PARD3: variants seen among roughly 807,000 people sequenced by gnomAD.
PARD3 encodes the protein par-3 family cell polarity regulator.
In PARD3, 75 loss-of-function variants were observed where a neutral mutation model predicts 155.4. The observed-to-expected ratio is 0.48, with a 90% CI of 0.40 to 0.58. PARD3 has a LOEUF of 0.58. Ranked by LOEUF, PARD3 falls within the 20% of genes least tolerant of loss-of-function variation. The pLI, the probability that PARD3 is intolerant of heterozygous loss-of-function variation, is 0.00. For synonymous variants in PARD3, 576 were observed against 610.5 expected, an observed-to-expected ratio of 0.94 and a Z score of 0.83; for missense variants, 1,642 against 1,721.7, an observed-to-expected ratio of 0.95 and a Z score of 0.82.
At chr10:34,387,015 T>C (rs188470881) in intron 7 of PARD3, among the ~76,000 whole-genome samples, 1 of 152,196 alleles carries the variant, frequency 6.6e-6, no homozygotes, top group Non-Finnish European at 1.5e-5. Flanking sequence ...CAGAACCACA[T>C]GTGAGGTGCC....
chr10:34,202,312 A>G (rs762226010), intron 22 of PARD3, among the ~76,000 whole-genome samples: 1 of 152,226 alleles, frequency 6.6e-6, no homozygotes, highest in Non-Finnish European at 1.5e-5. Context: ...GCTTCAAGCA[A>G]TCCTCCAGCC....
chr10:34,802,840 C>A (rs1191295301), intron 1 of PARD3, among the ~76,000 whole-genome samples: 2 of 152,168 alleles, frequency 1.3e-5, no homozygotes, highest in Middle Eastern at 3.4e-3. Flanking sequence ...GACAGTACGG[C>A]TAACATGTAG....
At chr10:34,281,769 G>A (rs1422840857) in intron 21 of PARD3, among the ~76,000 whole-genome samples, 2 of 152,012 alleles carry the variant, frequency 1.3e-5, no homozygotes, top group Admixed American at 6.6e-5. Flanking sequence ...ATTCCCAGAT[G>A]TACACAGGCA....
At chr10:34,274,132 T>C (rs1955763836) in intron 21 of PARD3, among the ~76,000 whole-genome samples, 1 of 152,142 alleles carries the variant, frequency 6.6e-6, no homozygotes, top group African/African-American at 2.4e-5. Flanking sequence ...TATTAGGAAG[T>C]TAGAAATTTT....
At chr10:34,462,229 A>T (rs2077697367) in intron 4 of PARD3, among the ~76,000 whole-genome samples, 1 of 152,242 alleles carries the variant, frequency 6.6e-6, no homozygotes, top group Admixed American at 6.5e-5. Context: ...AAAGAGAGCT[A>T]CAGGTCTGTC....
chr10:34,280,861 T>C (rs1156360411), intron 21 of PARD3, among the ~76,000 whole-genome samples: 1 of 152,216 alleles, frequency 6.6e-6, no homozygotes, highest in Non-Finnish European at 1.5e-5. Context: ...TGACTCATAA[T>C]GCACATGAAC....
chr10:34,508,034 T>C (rs2133515568), intron 3 of PARD3, among the ~76,000 whole-genome samples: 1 of 152,284 alleles, frequency 6.6e-6, no homozygotes. Context: ...TTGGATATTC[T>C]AGAAAGACAA....
chr10:34,519,831 A>G (rs2082021288), intron 2 of PARD3, among the ~76,000 whole-genome samples: 1 of 128,448 alleles, frequency 7.8e-6, no homozygotes, highest in Non-Finnish European at 1.7e-5. Context: ...ATAACATAAC[A>G]TAACATAACA....
intron 2 of PARD3, among the ~76,000 whole-genome samples, chr10:34,643,784 G>T (rs959706186): frequency 1.3e-5 from 2 of 152,132 alleles, no homozygotes; most frequent in African/African-American, 2.4e-5. Context: ...GGGCATGGTG[G>T]TGCGCACCTG....
chr10:34,157,335 T>G (rs943112861), intron 22 of PARD3, among the ~76,000 whole-genome samples: 23 of 152,248 alleles, frequency 1.5e-4, no homozygotes, highest in Non-Finnish European at 1.2e-4. Flanking sequence ...TGGACTTGCC[T>G]CTCTCCGGAA....
intron 22 of PARD3, among the ~76,000 whole-genome samples, chr10:34,265,716 T>C (rs549993996): frequency 9.8e-4 from 150 of 152,364 alleles, no homozygotes; most frequent in African/African-American, 3.2e-3. Context: ...TAGATCTTCT[T>C]ACAGGCGTGT....
chr10:34,174,629 G>C (rs1949954445), intron 22 of PARD3, among the ~76,000 whole-genome samples: 1 of 152,146 alleles, frequency 6.6e-6, no homozygotes, highest in Non-Finnish European at 1.5e-5. Context: ...AAGTAAGGAA[G>C]TCATCAAAGA....
At chr10:34,579,622 C>T (rs1159393774) in intron 2 of PARD3, among the ~76,000 whole-genome samples, 1 of 143,030 alleles carries the variant, frequency 7.0e-6, no homozygotes, top group Admixed American at 7.1e-5. Flanking sequence ...ACACTGTCTC[C>T]CAGGCTGGAG....
intron 2 of PARD3, among the ~76,000 whole-genome samples, chr10:34,517,841 T>C (rs1026399860): frequency 6.6e-6 from 1 of 152,172 alleles, no homozygotes; most frequent in African/African-American, 2.4e-5. Context: ...CAGAATGGAA[T>C]CCAGGACATC....
chr10:34,118,528 T>A (rs1030892875), intron 24 of PARD3, among the ~76,000 whole-genome samples: 1 of 152,100 alleles, frequency 6.6e-6, no homozygotes, highest in Non-Finnish European at 1.5e-5. Flanking sequence ...TATTTTTTTA[T>A]GGAGATAGTG....
At chr10:34,703,699 A>C (rs769940568) in intron 1 of PARD3, among the ~76,000 whole-genome samples, 1 of 152,204 alleles carries the variant, frequency 6.6e-6, no homozygotes, top group Non-Finnish European at 1.5e-5. Flanking sequence ...ATCAGAACAC[A>C]GAAGAAAAAC....
intron 3 of PARD3, among the ~76,000 whole-genome samples, chr10:34,514,856 TAAAG>T (rs1185668375): frequency 3.9e-5 from 6 of 152,158 alleles, no homozygotes; most frequent in Non-Finnish European, 8.8e-5. Context: ...TAAATCAACA[TAAAG>T]AAATTAACCT....
chr10:34,263,282 AC>A (rs1473932734), intron 22 of PARD3, among the ~76,000 whole-genome samples: 1 of 152,154 alleles, frequency 6.6e-6, no homozygotes, highest in Non-Finnish European at 1.5e-5. Flanking sequence ...TCCTTCCCAA[AC>A]CTAATGAGGC....
At chr10:34,406,355 C>G (rs1047125448) in intron 5 of PARD3, among the ~76,000 whole-genome samples, 4 of 152,110 alleles carry the variant, frequency 2.6e-5, no homozygotes, top group African/African-American at 9.7e-5. Context: ...GGAAGTGCTC[C>G]AGCAAAATCC....
Sources: gnomAD v4.1 joint callset for allele counts (sites outside exome capture counted in the v4.1 genomes callset) on GRCh38, gnomAD v4.1.1 for gene constraint, MANE v1.5 for transcripts, NCBI Gene and HGNC (gene_info 2026-07-23, HGNC 2026-07-21) for gene names.